SORCS3: variants seen among roughly 807,000 people sequenced by gnomAD.
SORCS3 encodes sortilin related VPS10 domain containing receptor 3, also known as VPS10 domain-containing receptor SorCS3.
A neutral mutation model predicts 146.3 loss-of-function variants in SORCS3; 57 were observed. The observed-to-expected ratio is 0.39, with a 90% CI of 0.31 to 0.49. SORCS3 has a LOEUF of 0.49. SORCS3 is among the 20% of genes least tolerant of loss of function. The pLI, the probability that SORCS3 is intolerant of heterozygous loss-of-function variation, is 0.92. For missense variants in SORCS3, 1,341 were observed against 1,575.5 expected (o/e 0.85, Z 2.52); for synonymous variants, 653 against 618.5 (o/e 1.06, Z -0.83).
chr10:105,209,031 A>T (rs974393330), intron 16 of SORCS3, among the ~76,000 whole-genome samples: 1 of 152,186 alleles, frequency 6.6e-6, no homozygotes, highest in Non-Finnish European at 1.5e-5. Flanking sequence ...CTCCACAGGA[A>T]TCTGTTGGGC....
intron 4 of SORCS3, among the ~76,000 whole-genome samples, chr10:104,991,792 C>A (rs977349477): frequency 6.6e-6 from 1 of 152,172 alleles, no homozygotes; most frequent in African/African-American, 2.4e-5. Flanking sequence ...AGCCACTGCA[C>A]CTGGCCGATT....
chr10:104,823,746 G>C (rs1374355548), intron 1 of SORCS3, among the ~76,000 whole-genome samples: 1 of 152,204 alleles, frequency 6.6e-6, no homozygotes, highest in African/African-American at 2.4e-5. Context: ...CCCATGTCCT[G>C]ATCTCTAGAA....
At chr10:104,647,201 T>A (rs763704996) in intron 1 of SORCS3, among the ~76,000 whole-genome samples, 2 of 152,172 alleles carry the variant, frequency 1.3e-5, no homozygotes, top group Non-Finnish European at 2.9e-5. Flanking sequence ...GCTATGTATG[T>A]CCCGGGTCTA....
intron 7 of SORCS3, among the ~76,000 whole-genome samples, chr10:105,114,475 T>C (rs1170797638): frequency 6.6e-6 from 1 of 152,120 alleles, no homozygotes; most frequent in African/African-American, 2.4e-5. Context: ...AGTGAGCCTG[T>C]AGTACCCTGT....
chr10:104,751,949 ATATATATATATATATAT>A, intron 1 of SORCS3, among the ~76,000 whole-genome samples: 1 of 116,500 alleles, frequency 8.6e-6, no homozygotes, highest in Non-Finnish European at 1.7e-5. Context: ...ATATATATAT[ATATATATATATATATAT>A]ATAATAGTTT....
chr10:104,768,299 T>G (rs2133481874), intron 1 of SORCS3, among the ~76,000 whole-genome samples: 1 of 152,292 alleles, frequency 6.6e-6, no homozygotes, highest in South Asian at 2.1e-4. Context: ...GAGCAGTCAC[T>G]TTTCCTTCTT....
At chr10:104,676,062 G>A (rs546229191) in intron 1 of SORCS3, among the ~76,000 whole-genome samples, 1 of 152,162 alleles carries the variant, frequency 6.6e-6, no homozygotes, top group Non-Finnish European at 1.5e-5. Context: ...GATGCTTTGT[G>A]ATACCTTAAG....
chr10:105,041,947 A>G (rs2055341062), intron 4 of SORCS3, among the ~76,000 whole-genome samples: 1 of 152,190 alleles, frequency 6.6e-6, no homozygotes, highest in South Asian at 2.1e-4. Flanking sequence ...CCATGGAAGG[A>G]GACTTGAGCC....
intron 5 of SORCS3, among the ~76,000 whole-genome samples, chr10:105,081,379 C>T (rs1228191901): frequency 6.6e-6 from 1 of 152,104 alleles, no homozygotes; most frequent in Non-Finnish European, 1.5e-5. Flanking sequence ...ACTAATGTTC[C>T]AAGTTGGATT....
intron 7 of SORCS3, among the ~76,000 whole-genome samples, chr10:105,118,961 A>C (rs1355744175): frequency 6.6e-6 from 1 of 152,240 alleles, no homozygotes; most frequent in Non-Finnish European, 1.5e-5. Flanking sequence ...AATTTGCATA[A>C]GTAATGAGCC....
chr10:104,938,612 A>T (rs969612246), intron 3 of SORCS3, among the ~76,000 whole-genome samples: 1 of 152,152 alleles, frequency 6.6e-6, no homozygotes, highest in Non-Finnish European at 1.5e-5. Flanking sequence ...GGCCCTGTGC[A>T]GAAGTCAGTT....
At chr10:104,792,716 A>G (rs2017509006) in intron 1 of SORCS3, among the ~76,000 whole-genome samples, 1 of 152,208 alleles carries the variant, frequency 6.6e-6, no homozygotes, top group Non-Finnish European at 1.5e-5. Flanking sequence ...AGCCTCTTTC[A>G]TAAAACTTAT....
rs568120613 is a variant in SORCS3, at chr10:105,051,059, A to G, written c.1028+7931A>G. Among the ~76,000 whole-genome samples, 10 of 152,220 alleles carry G rather than the reference A, an allele frequency of 6.6e-5. No homozygotes were observed. In the East Asian group the frequency reaches 1.7e-3, roughly 26 times the overall value. On this transcript the variant is annotated intron_variant, in intron 5 of 26. Transcript: ENST00000369701. ...CCTCAACCTGAGTGAGGCTTACTTA[A>G]TATCATGAGATTGCCTGACTTTGTT...
At chr10:104,812,506 G>A (rs761687815) in intron 1 of SORCS3, among the ~76,000 whole-genome samples, 8 of 152,140 alleles carry the variant, frequency 5.3e-5, no homozygotes, top group Non-Finnish European at 8.8e-5. Flanking sequence ...TCTACTTCCA[G>A]CTGGCGATTC....
intron 1 of SORCS3, among the ~76,000 whole-genome samples, chr10:104,781,631 A>G (rs1335329434): frequency 6.6e-6 from 1 of 152,264 alleles, no homozygotes; most frequent in Non-Finnish European, 1.5e-5. Flanking sequence ...ACAAACAAAA[A>G]ATGATAATAG....
chr10:105,095,094 C>T (rs2055736595), intron 6 of SORCS3, among the ~76,000 whole-genome samples: 1 of 152,140 alleles, frequency 6.6e-6, no homozygotes, highest in Non-Finnish European at 1.5e-5. Context: ...ACTTCACCTT[C>T]CGTTCTACCT....
chr10:104,744,978 C>T (rs188360160), intron 1 of SORCS3, among the ~76,000 whole-genome samples: 19 of 152,246 alleles, frequency 1.2e-4, no homozygotes, highest in East Asian at 7.7e-4. Flanking sequence ...ATGTGTTTAT[C>T]GTAATTAGTG....
intron 20 of SORCS3, among the ~76,000 whole-genome samples, chr10:105,230,309 C>T (rs574879376): frequency 6.6e-6 from 1 of 152,128 alleles, no homozygotes; most frequent in African/African-American, 2.4e-5. Flanking sequence ...CTCCAAACCC[C>T]AGGTGGGATG....
intron 1 of SORCS3, among the ~76,000 whole-genome samples, chr10:104,839,873 C>T (rs1398562187): frequency 6.6e-6 from 1 of 152,054 alleles, no homozygotes; most frequent in Non-Finnish European, 1.5e-5. Flanking sequence ...GGACATCTGA[C>T]CCCCCGGTGA....
Sources: gnomAD v4.1 joint callset for allele counts (sites outside exome capture counted in the v4.1 genomes callset) on GRCh38, gnomAD v4.1.1 for gene constraint, MANE v1.5 for transcripts, NCBI Gene and HGNC (gene_info 2026-07-23, HGNC 2026-07-21) for gene names.